The following TMBIM4 variants were observed in gnomAD, a reference collection of about 807,000 sequenced individuals.
TMBIM4 encodes the protein transmembrane BAX inhibitor motif containing 4.
A neutral mutation model predicts 27.7 loss-of-function variants in TMBIM4; 28 were observed. The ratio of observed to expected loss-of-function variants is 1.01; its 90% CI spans 0.75 to 1.38. The LOEUF (loss-of-function observed/expected upper bound fraction) is 1.38. TMBIM4 is among the 40% of genes most tolerant of loss of function. The pLI, the probability that TMBIM4 is intolerant of heterozygous loss-of-function variation, is 0.00. For missense variants in TMBIM4, 265 were observed against 277.5 expected (o/e 0.95, Z 0.32); for synonymous variants, 115 against 113.1 (o/e 1.02, Z -0.11).
In TMBIM4 at chr12:66,147,917, C is replaced by T. The variant is rs748704109; in HGVS notation, c.337G>A (p.Ala113Thr). 1 of 1,610,950 alleles carries T rather than the reference C, an allele frequency of 6.2e-7. No individual in the cohort carries two copies. Among genetic ancestry groups the T allele is most frequent in the Non-Finnish European group, 8.5e-7 (1 of 1,178,374 alleles). The change falls in exon 4 of 7, where the codon GCA (alanine) becomes ACA (threonine). Residue 113 changes from alanine (A) to threonine (T), a missense_variant. By Grantham distance (58) the Ala-to-Thr change is moderately conservative. Transcript: ENST00000358230. Reference sequence around the variant, plus strand: ...TGCAGTTACGGCTTACCAACAACTGCCACAGTCAGAGCTTCCAACAGCGTC... The same window carrying T: ...TGCAGTTACGGCTTACCAACAACTGTCACAGTCAGAGCTTCCAACAGCGTC... ...GFTLLEALTV[A>T]VVVTFYDVYI...
chr12:66,153,635 A>G (rs548061098), intron 1 of TMBIM4, among the ~76,000 whole-genome samples, 187 bp from the exon 2 acceptor site: 1 of 152,262 alleles, frequency 6.6e-6, no homozygotes, highest in South Asian at 2.1e-4. Flanking sequence ...AAATTGTAAG[A>G]GATATCTAAA....
At position 66,153,450 on chromosome 12, in the gene TMBIM4, T is replaced by A; in HGVS notation, c.98-2A>T. 6.6e-7 allele frequency: 1 copy of A among 1,516,654 alleles called. No individual in the cohort carries two copies. The highest frequency in any genetic ancestry group is 1.2e-5 in the South Asian group (1 of 82,074). The allele number at this position is 1,516,654 out of a possible 1,614,324, so 93.9% of individuals were successfully genotyped here. On this transcript the variant is annotated splice_acceptor_variant, in intron 1 of 6. Transcript: ENST00000358230. LOFTEE classifies it high-confidence loss of function. ...TGCTGTAGACTTTTCTCAGAAAGGC[T>A]AAAAGAGAAAAAAAATTACATTACT...
intron 1 of TMBIM4, among the ~76,000 whole-genome samples, chr12:66,162,529 G>A (rs1297944997): frequency 2.0e-5 from 3 of 152,146 alleles, no homozygotes; most frequent in Non-Finnish European, 4.4e-5. Flanking sequence ...CAGTCGAGGG[G>A]CCGGGGGAAA....
At chr12:66,166,130 T>G (rs2052122281) in intron 1 of TMBIM4, among the ~76,000 whole-genome samples, 1 of 152,230 alleles carries the variant, frequency 6.6e-6, no homozygotes, top group Non-Finnish European at 1.5e-5. Flanking sequence ...AATGTGGATA[T>G]TCAATTTTCC....
chr12:66,166,481 A>AAG (rs2052132339), intron 1 of TMBIM4, among the ~76,000 whole-genome samples: 1 of 147,312 alleles, frequency 6.8e-6, no homozygotes, highest in African/African-American at 2.7e-5. Flanking sequence ...AAAAAAAAAA[A>AAG]AAAGAAAAAG....
chr12:66,147,829 C>T (rs2051776348), intron 4 of TMBIM4, 79 bp downstream of exon 4: 2 of 1,146,490 alleles, frequency 1.7e-6, no homozygotes, highest in African/African-American at 3.1e-5. Flanking sequence ...TAAACTTTAG[C>T]CCCAAATACC....
intron 5 of TMBIM4, among the ~76,000 whole-genome samples, chr12:66,142,990 T>G (rs1565781995): frequency 6.6e-6 from 1 of 152,186 alleles, no homozygotes. Context: ...GGCTCCCTGG[T>G]TAAGCAGCAT....
At chr12:66,163,426 T>G (rs533172157) in intron 1 of TMBIM4, among the ~76,000 whole-genome samples, 27 of 152,218 alleles carry the variant, frequency 1.8e-4, no homozygotes, top group African/African-American at 6.5e-4. Flanking sequence ...TTGACTCACA[T>G]TTCTACAGCG....
intron 3 of TMBIM4, among the ~76,000 whole-genome samples, chr12:66,150,495 A>T (rs569018011): frequency 6.6e-6 from 1 of 150,660 alleles, no homozygotes; most frequent in Non-Finnish European, 1.5e-5. Flanking sequence ...GCTCACTGCA[A>T]CCTCCACCTC....
chr12:66,163,996 C>T (rs1312216498), intron 1 of TMBIM4, among the ~76,000 whole-genome samples: 1 of 152,172 alleles, frequency 6.6e-6, no homozygotes, highest in Non-Finnish European at 1.5e-5. Context: ...AACCAGTATT[C>T]CTGGACTGTG....
At position 66,151,052 on chromosome 12, in the gene TMBIM4, T is replaced by C. The variant is rs527276269; in HGVS notation, c.312+1219A>G. On this transcript the variant is annotated intron_variant, in intron 3 of 6. Coordinates refer to ENST00000358230, the MANE Select transcript of TMBIM4 (RefSeq NM_016056.4). ...TTATTTGCAATAACTTGAGTTAGAA[T>C]TGACAATCTTGCAAACAAAAGAGCT... Among the ~76,000 whole-genome samples, 117 of 152,300 alleles carry C rather than the reference T, an allele frequency of 7.7e-4. 1 individual carries two copies. The highest frequency in any genetic ancestry group is 5.8e-3 in the South Asian group (28 of 4,826).
chr12:66,157,555 G>A (rs776260010), intron 1 of TMBIM4, among the ~76,000 whole-genome samples: 2 of 152,138 alleles, frequency 1.3e-5, no homozygotes, highest in Non-Finnish European at 2.9e-5. Context: ...TTGGAAGTGG[G>A]GCGCTGCCAT....
intron 5 of TMBIM4, among the ~76,000 whole-genome samples, chr12:66,140,046 A>G (rs1342868591): frequency 2.6e-5 from 4 of 152,246 alleles, no homozygotes. Context: ...ATATATTTAA[A>G]GTTAATACAA....
intron 1 of TMBIM4, among the ~76,000 whole-genome samples, chr12:66,162,536 G>A (rs546281243): frequency 2.0e-5 from 3 of 152,272 alleles, no homozygotes; most frequent in Non-Finnish European, 2.9e-5. Context: ...GGGGCCGGGG[G>A]AAAACTCATT....
chr12:66,168,765 C>A (rs919106910), intron 1 of TMBIM4: 32 of 152,824 alleles, frequency 2.1e-4, no homozygotes, highest in Admixed American at 6.5e-4. Flanking sequence ...GGTTCCGGGA[C>A]CTGCCCAATT....
intron 1 of TMBIM4, among the ~76,000 whole-genome samples, chr12:66,155,512 T>G (rs940059291): frequency 7.2e-5 from 11 of 152,192 alleles, no homozygotes; most frequent in Non-Finnish European, 1.3e-4. Flanking sequence ...GCTAATTTTT[T>G]TGTAGAGATG....
At chr12:66,162,136 T>C (rs113592604) in intron 1 of TMBIM4, among the ~76,000 whole-genome samples, 133 of 152,100 alleles carry the variant, frequency 8.7e-4, no homozygotes, top group Middle Eastern at 3.4e-3. Context: ...CACCTTTCCA[T>C]GCCTCATCAC....
chr12:66,158,043 G>A (rs905300787), intron 1 of TMBIM4, among the ~76,000 whole-genome samples: 11 of 151,702 alleles, frequency 7.3e-5, no homozygotes, highest in African/African-American at 2.4e-4. Flanking sequence ...TCGCTAACAC[G>A]GTGAAATCCT....
intron 1 of TMBIM4, 116 bp downstream of exon 1, chr12:66,169,739 G>C: frequency 1.3e-6 from 1 of 764,004 alleles, no homozygotes; most frequent in Non-Finnish European, 2.0e-6. Flanking sequence ...AGCTCAGTGA[G>C]CACTCCCTGT....
Sources: allele counts gnomAD v4.1 joint callset (sites outside exome capture counted in the v4.1 genomes callset), GRCh38; gene constraint gnomAD v4.1.1; transcripts MANE v1.5; gene names NCBI Gene and HGNC (gene_info 2026-07-23, HGNC 2026-07-21).